Variants in ATG7 observed in about 807,000 individuals in gnomAD.
ATG7 encodes ubiquitin-like modifier-activating enzyme ATG7.
In ATG7, 70 loss-of-function variants were observed where a neutral mutation model predicts 82.4. That is an observed-to-expected ratio of 0.85 (90% CI 0.70 to 1.04). ATG7 has a LOEUF of 1.04. ATG7 is among the 50% of genes least tolerant of loss of function. ATG7 has a pLI of 0.00. For missense variants in ATG7, 792 were observed against 864.3 expected (o/e 0.92, Z 1.05); for synonymous variants, 287 against 313.0 (o/e 0.92, Z 0.88).
intron 19 of ATG7, among the ~76,000 whole-genome samples, chr3:11,395,969 A>AGCG (rs1559533665): frequency 2.4e-4 from 21 of 89,344 alleles, no homozygotes; most frequent in Non-Finnish European, 3.8e-4. Flanking sequence ...AAAAAAAGGT[A>AGCG]GGGGGGGAAG....
chr3:11,554,168 C>T (rs902098148), intron 20 of ATG7, among the ~76,000 whole-genome samples: 1 of 152,218 alleles, frequency 6.6e-6, no homozygotes, highest in Non-Finnish European at 1.5e-5. Context: ...GCCTCCTGCT[C>T]CCCAGGTTCA....
intron 18 of ATG7, among the ~76,000 whole-genome samples, chr3:11,377,910 T>C (rs1334277179): frequency 2.0e-5 from 3 of 152,118 alleles, no homozygotes; most frequent in South Asian, 2.1e-4. Context: ...TGACCCTGAT[T>C]ATGCCTCAGG....
At chr3:11,560,501 A>G (rs1204873058), downstream of ATG7, among the ~76,000 whole-genome samples, 3 of 152,222 alleles carry the variant, frequency 2.0e-5, no homozygotes, top group Non-Finnish European at 1.5e-5. Flanking sequence ...CCTTTCCATT[A>G]AAGTTAGAGC....
At chr3:11,447,660 G>C (rs891851766) in intron 20 of ATG7, among the ~76,000 whole-genome samples, 6 of 151,984 alleles carry the variant, frequency 3.9e-5, no homozygotes, top group Admixed American at 6.6e-5. Context: ...ACATGGACTC[G>C]GGCAGTTCCA....
chr3:11,380,028 CA>C lies in ATG7; in HGVS notation c.1935del (p.Lys645AsnfsTer21), dbSNP rs2152847270. On this transcript the variant is annotated frameshift_variant, in exon 19 of 21. Coordinates refer to ENST00000693202, the MANE Select transcript of ATG7 (RefSeq NM_001349232.2). LOFTEE classifies it high-confidence loss of function. ...TCCTTCCCGTCAGCCTGGCATTTGACAAATGTACAGCTTGTTCTTCCAAAGT... is the reference window on the plus strand; with the variant it reads ...TCCTTCCCGTCAGCCTGGCATTTGACAATGTACAGCTTGTTCTTCCAAAGT... ...NVLPVSLAFD[K>X]CTACSSKVLD... is the part of the protein sequence containing the mutation. 6.2e-7 allele frequency: 1 copy of C among 1,614,064 alleles called. No homozygotes were observed. Among genetic ancestry groups the C allele is most frequent in the East Asian group, 2.2e-5 (1 of 44,890 alleles).
chr3:11,333,354 C>T (rs553845897), intron 11 of ATG7, among the ~76,000 whole-genome samples: 36 of 152,286 alleles, frequency 2.4e-4, no homozygotes, highest in Admixed American at 9.1e-4. Context: ...CTGCTCCCCC[C>T]GTTTTCAATT....
chr3:11,537,379 C>T (rs2070407429), intron 20 of ATG7, among the ~76,000 whole-genome samples: 1 of 152,178 alleles, frequency 6.6e-6, no homozygotes, highest in Non-Finnish European at 1.5e-5. Flanking sequence ...TTGTCACCTC[C>T]ACTAGGCAGG....
chr3:11,365,813 A>C (rs1424270244), intron 18 of ATG7, among the ~76,000 whole-genome samples: 1 of 152,202 alleles, frequency 6.6e-6, no homozygotes, highest in East Asian at 1.9e-4. Flanking sequence ...TAAACTTGGC[A>C]GTCTGACAAA....
chr3:11,334,611 G>A (rs1248017313), intron 11 of ATG7, among the ~76,000 whole-genome samples: 1 of 148,972 alleles, frequency 6.7e-6, no homozygotes, highest in Non-Finnish European at 1.5e-5. Flanking sequence ...CTTTCCTTAT[G>A]CCATAGATAT....
chr3:11,413,500 A>C (rs1219132309), intron 19 of ATG7, among the ~76,000 whole-genome samples: 2 of 152,136 alleles, frequency 1.3e-5, no homozygotes, highest in Non-Finnish European at 2.9e-5. Flanking sequence ...CCAGGAATAA[A>C]TCTCACTTGG....
At chr3:11,387,951 C>A (rs2152863240) in intron 19 of ATG7, among the ~76,000 whole-genome samples, 1 of 152,202 alleles carries the variant, frequency 6.6e-6, no homozygotes, top group Middle Eastern at 3.4e-3. Context: ...GCCTGAGTGA[C>A]AGAGCAAAAG....
chr3:11,487,759 TC>T, intron 20 of ATG7, among the ~76,000 whole-genome samples: 1 of 5,846 alleles, frequency 1.7e-4, no homozygotes, highest in Admixed American at 1.6e-3. Flanking sequence ...CCCAGCTCCC[TC>T]CCGGACGGGG....
At chr3:11,541,841 G>A (rs765421557) in intron 20 of ATG7, among the ~76,000 whole-genome samples, 7 of 152,168 alleles carry the variant, frequency 4.6e-5, no homozygotes, top group Non-Finnish European at 7.4e-5. Flanking sequence ...TAAGAACTAC[G>A]TAACAGAAAC....
chr3:11,575,016 T>C, the ATG7 span, among the ~76,000 whole-genome samples: 1 of 152,128 alleles, frequency 6.6e-6, no homozygotes, highest in Non-Finnish European at 1.5e-5. Flanking sequence ...GCAGATCTTT[T>C]CATTACTCCT....
intron 19 of ATG7, among the ~76,000 whole-genome samples, chr3:11,420,264 G>A (rs1267268139): frequency 2.0e-5 from 3 of 152,246 alleles, no homozygotes; most frequent in Non-Finnish European, 2.9e-5. Context: ...AGAGGATTAA[G>A]TTTTTCCACA....
chr3:11,355,158 A>G (rs1401798631), intron 14 of ATG7, among the ~76,000 whole-genome samples: 1 of 152,210 alleles, frequency 6.6e-6, no homozygotes, highest in Non-Finnish European at 1.5e-5. Flanking sequence ...GCAAAAACAC[A>G]CTACCAGAGA....
chr3:11,295,152 G>A (rs1945662574), intron 3 of ATG7, among the ~76,000 whole-genome samples: 1 of 152,156 alleles, frequency 6.6e-6, no homozygotes, highest in African/African-American at 2.4e-5. Context: ...GATGGTGAAT[G>A]TTGGAAAACG....
intron 20 of ATG7, among the ~76,000 whole-genome samples, chr3:11,513,959 G>A (rs971055760): frequency 3.3e-5 from 5 of 152,150 alleles, no homozygotes; most frequent in Admixed American, 2.0e-4. Context: ...GATCTCCCAC[G>A]CTCAAGCAGT....
At chr3:11,523,101 CT>C (rs2092483584) in intron 20 of ATG7, among the ~76,000 whole-genome samples, 1 of 152,092 alleles carries the variant, frequency 6.6e-6, no homozygotes, top group African/African-American at 2.4e-5. Flanking sequence ...GAAATGCTTC[CT>C]TGGGTGTTTG....
Sources: allele counts gnomAD v4.1 joint callset (sites outside exome capture counted in the v4.1 genomes callset), GRCh38; gene constraint gnomAD v4.1.1; transcripts MANE v1.5; gene names NCBI Gene and HGNC (gene_info 2026-07-23, HGNC 2026-07-21).